Variants in MAGI2 observed in about 807,000 individuals in gnomAD.
MAGI2 encodes the protein membrane-associated guanylate kinase, WW and PDZ domain-containing protein 2.
MAGI2 carries 35 observed loss-of-function variants against 133.3 expected under a neutral mutation model. The ratio of observed to expected loss-of-function variants is 0.26; its 90% CI spans 0.20 to 0.35. MAGI2 has a LOEUF of 0.35. Ranked by LOEUF, MAGI2 falls within the 10% of genes least tolerant of loss-of-function variation. MAGI2 has a pLI of 1.00. For synonymous variants in MAGI2, 729 were observed against 710.6 expected, an observed-to-expected ratio of 1.03 and a Z score of -0.41; for missense variants, 1,636 against 1,863.4, an observed-to-expected ratio of 0.88 and a Z score of 2.25.
intron 10 of MAGI2, among the ~76,000 whole-genome samples, chr7:78,215,066 G>A (rs148091709): frequency 7.9e-5 from 12 of 152,302 alleles, no homozygotes; most frequent in African/African-American, 2.2e-4. Flanking sequence ...AGAGGATCAC[G>A]GATGTCATTT....
chr7:78,941,503 T>C (rs1403770828), intron 2 of MAGI2, among the ~76,000 whole-genome samples: 2 of 152,162 alleles, frequency 1.3e-5, no homozygotes, highest in African/African-American at 4.8e-5. Context: ...GCCTGACTAA[T>C]TTTTGTATTT....
chr7:78,229,210 C>G (rs920828045), intron 10 of MAGI2, among the ~76,000 whole-genome samples: 1 of 152,370 alleles, frequency 6.6e-6, no homozygotes, highest in Admixed American at 6.5e-5. Context: ...TTATTGAGCA[C>G]AGCTTTTGCA....
intron 2 of MAGI2, among the ~76,000 whole-genome samples, chr7:78,885,970 T>C (rs1001539981): frequency 1.4e-4 from 21 of 152,184 alleles, no homozygotes; most frequent in African/African-American, 4.6e-4. Flanking sequence ...ATTGATTCTC[T>C]TTAAGGGTAA....
intron 9 of MAGI2, among the ~76,000 whole-genome samples, chr7:78,261,891 A>G (rs2150963824): frequency 6.6e-6 from 1 of 152,310 alleles, no homozygotes; most frequent in Admixed American, 6.5e-5. Context: ...CAAACATAAT[A>G]AATTCTGACA....
chr7:78,955,722 T>C, intron 2 of MAGI2, among the ~76,000 whole-genome samples: 1 of 88,800 alleles, frequency 1.1e-5, no homozygotes, highest in South Asian at 3.9e-4. Flanking sequence ...TTTCTTTCTT[T>C]CTCTTTCTTT....
chr7:78,176,251 C>T (rs1360567977), intron 14 of MAGI2, among the ~76,000 whole-genome samples: 4 of 152,240 alleles, frequency 2.6e-5, no homozygotes, highest in Admixed American at 2.6e-4. Context: ...AGCATTTTCC[C>T]TCCTCTCAAA....
chr7:79,325,182 T>C (rs1839595099), intron 1 of MAGI2, among the ~76,000 whole-genome samples: 1 of 152,138 alleles, frequency 6.6e-6, no homozygotes, highest in African/African-American at 2.4e-5. Context: ...TCCAACATCC[T>C]TGACCATCCT....
Position 78,256,248 on chromosome 7 carries a change from G to C in MAGI2, c.1742C>G (p.Thr581Arg). The C allele has an allele frequency of 3.1e-6, 5 of 1,614,056 alleles. No homozygotes were observed. The highest frequency in any genetic ancestry group is 4.2e-6 in the Non-Finnish European group (5 of 1,179,984). Residue 581 changes from threonine to arginine, a missense_variant, in exon 10 of 22, where the codon ACG becomes AGG. Thr to Arg is a moderately conservative substitution (Grantham distance 71). Coordinates refer to ENST00000354212, the MANE Select transcript of MAGI2 (RefSeq NM_012301.4). ...SMPTDGQLDG[T>R]YPPPVHDDNV... is the part of the protein sequence containing the mutation. ...GTCATCATGGACGGGCGGTGGATAC[G>C]TGCCGTCTAGCTGACCATCAGTTGG...
intron 9 of MAGI2, among the ~76,000 whole-genome samples, chr7:78,284,839 TATGTTTGAGCTAATGACCAGGA>T (rs1255844297): frequency 6.6e-6 from 1 of 152,138 alleles, no homozygotes; most frequent in Non-Finnish European, 1.5e-5. Context: ...AAAACACTGT[TATGTTTGAGCTAATGACCAGGA>T]ATTTCTCTGG....
At chr7:79,214,662 TA>T (rs1198486599) in intron 1 of MAGI2, among the ~76,000 whole-genome samples, 2 of 139,974 alleles carry the variant, frequency 1.4e-5, no homozygotes, top group South Asian at 2.1e-4. Flanking sequence ...TATATATTTA[TA>T]ATTATGAAAT....
chr7:78,572,996 G>C (rs1191121702), intron 3 of MAGI2, among the ~76,000 whole-genome samples: 1 of 127,722 alleles, frequency 7.8e-6, no homozygotes, highest in Non-Finnish European at 1.6e-5. Context: ...TTGTTCACTA[G>C]AGGAACAGAA....
At chr7:78,988,973 A>T (rs1276880281) in intron 2 of MAGI2, among the ~76,000 whole-genome samples, 2 of 152,092 alleles carry the variant, frequency 1.3e-5, no homozygotes, top group African/African-American at 2.4e-5. Flanking sequence ...TAAATAACAG[A>T]AAATAAATAG....
intron 1 of MAGI2, among the ~76,000 whole-genome samples, chr7:79,441,603 T>C (rs1011768163): frequency 1.3e-5 from 2 of 152,146 alleles, no homozygotes; most frequent in African/African-American, 4.8e-5. Context: ...TGCACATTCA[T>C]ATATAGTATG....
At chr7:78,059,975 C>A (rs1167056547) in intron 21 of MAGI2, among the ~76,000 whole-genome samples, 1 of 152,080 alleles carries the variant, frequency 6.6e-6, no homozygotes, top group Non-Finnish European at 1.5e-5. Context: ...CAGGTCCTGG[C>A]TACCTTATGT....
chr7:79,265,419 C>T (rs1165495337), intron 1 of MAGI2, among the ~76,000 whole-genome samples: 2 of 152,062 alleles, frequency 1.3e-5, no homozygotes, highest in African/African-American at 4.8e-5. Context: ...TAAAACCTAC[C>T]CACCATTACC....
chr7:79,309,173 T>G (rs1042962310), intron 1 of MAGI2, among the ~76,000 whole-genome samples: 4 of 152,146 alleles, frequency 2.6e-5, no homozygotes, highest in Admixed American at 1.3e-4. Context: ...AATTCAATTC[T>G]AATGCATTTC....
At chr7:79,340,526 G>T (rs551195452) in intron 1 of MAGI2, among the ~76,000 whole-genome samples, 1 of 151,942 alleles carries the variant, frequency 6.6e-6, no homozygotes. Context: ...TTCATATCTG[G>T]CCTGTAGCAA....
At chr7:78,849,829 T>C (rs761253259) in intron 2 of MAGI2, among the ~76,000 whole-genome samples, 1 of 152,066 alleles carries the variant, frequency 6.6e-6, no homozygotes, top group Non-Finnish European at 1.5e-5. Context: ...TTTATTTTGT[T>C]ATTTTTCCAT....
chr7:78,787,500 C>A (rs1826934321), intron 2 of MAGI2, among the ~76,000 whole-genome samples: 1 of 152,172 alleles, frequency 6.6e-6, no homozygotes, highest in African/African-American at 2.4e-5. Flanking sequence ...TCTTTAAACT[C>A]TCCTATTTCA....
Sources: allele counts gnomAD v4.1 joint callset (sites outside exome capture counted in the v4.1 genomes callset), GRCh38; gene constraint gnomAD v4.1.1; transcripts MANE v1.5; gene names NCBI Gene and HGNC (gene_info 2026-07-23, HGNC 2026-07-21).